BRCA2: variants seen among roughly 807,000 people sequenced by gnomAD.
BRCA2 encodes BRCA2 DNA repair associated.
In BRCA2, 203 loss-of-function variants were observed where a neutral mutation model predicts 276.7. The observed-to-expected ratio is 0.73, with a 90% CI of 0.65 to 0.82. BRCA2 has a LOEUF of 0.82. BRCA2 is among the 40% of genes least tolerant of loss of function. The probability of loss-of-function intolerance (pLI) is 0.00; values close to 1 mark genes in which losing one functional copy is unlikely to be tolerated. For missense variants in BRCA2, 3,920 were observed against 3,915.0 expected, an observed-to-expected ratio of 1.00 and a Z score of -0.03; for synonymous variants, 1,289 against 1,338.4, an observed-to-expected ratio of 0.96 and a Z score of 0.81.
rs1273462315 is a variant in BRCA2, at chr13:32,316,444, G to A, written c.-17G>A. 1 of 1,609,192 alleles carries A rather than the reference G, an allele frequency of 6.2e-7. No homozygotes were observed. The highest frequency in any genetic ancestry group is 8.5e-7 in the Non-Finnish European group (1 of 1,175,686). On this transcript the variant is annotated 5_prime_UTR_variant, in exon 2 of 27. Coordinates refer to ENST00000380152, the MANE Select transcript of BRCA2 (RefSeq NM_000059.4). Reference sequence around the variant, plus strand: ...CAGACTTATTTACCAAGCATTGGAGGAATATCGTAGGTAAAAATGCCTATT... The same window carrying A: ...CAGACTTATTTACCAAGCATTGGAGAAATATCGTAGGTAAAAATGCCTATT...
intron 11 of BRCA2, among the ~76,000 whole-genome samples, chr13:32,341,757 A>G (rs1164581972): frequency 6.6e-6 from 1 of 151,282 alleles, no homozygotes; most frequent in Non-Finnish European, 1.5e-5. Flanking sequence ...AGTCCCAGCT[A>G]CTTGGGAGGC....
At chr13:32,359,793 TAAGTGGAA>T (rs1368582649) in intron 16 of BRCA2, among the ~76,000 whole-genome samples, 3 of 152,228 alleles carry the variant, frequency 2.0e-5, no homozygotes, top group African/African-American at 7.2e-5. Context: ...CCCTGTAGTC[TAAGTGGAA>T]ATGTGGAGGC....
rs80359260 is a variant in BRCA2 at position 32,332,502 on chromosome 13, GA to G, written c.1029del (p.Lys343AsnfsTer6). 2 of 1,610,966 alleles carry G rather than the reference GA, an allele frequency of 1.2e-6. No individual in the cohort carries two copies. The highest frequency in any genetic ancestry group is 1.7e-6 in the Non-Finnish European group (2 of 1,179,312). On this transcript the variant is annotated frameshift_variant, in exon 10 of 27. Transcript: ENST00000380152. LOFTEE classifies it high-confidence loss of function. ...CCATGAAGCAAACGCTGATGAATGTGAAAAATCTAAAAACCAAGTGAAAGAA... is the reference window on the plus strand; with the variant it reads ...CCATGAAGCAAACGCTGATGAATGTGAAAATCTAAAAACCAAGTGAAAGAA... Reference protein sequence around the residue: ...IFHEANADECEKSKNQVKEKY... With the variant: ...IFHEANADECXKSKNQVKEKY...
At position 32,363,280 on chromosome 13, in the gene BRCA2, T is replaced by C. The variant is rs398122595; in HGVS notation, c.8078T>C (p.Ile2693Thr). 1.2e-6 allele frequency: 2 copies of C among 1,614,068 alleles called. No homozygotes were observed. Among genetic ancestry groups the C allele is most frequent in the East Asian group, 2.2e-5 (1 of 44,884 alleles). Reference protein sequence around the residue: ...AKTLVLCVSDIISLSANISET... With the variant: ...AKTLVLCVSDTISLSANISET... ...ACACTTGTTCTCTGTGTTTCTGACA[T>C]AATTTCATTGAGCGCAAATATATCT... is the stretch of plus-strand genomic sequence containing the variant. The change falls in exon 18 of 27, where the codon ATA (isoleucine) becomes ACA (threonine). Residue 2693 changes from isoleucine (I) to threonine (T), a missense_variant. Ile to Thr is a moderately conservative substitution (Grantham distance 89). Around this residue, in one of 2 missense-constraint regions of BRCA2, gnomAD observed 3,263 missense variants for 3,156.9 expected, o/e 1.03. Coordinates refer to ENST00000380152, the MANE Select transcript of BRCA2 (RefSeq NM_000059.4).
At position 32,337,477 on chromosome 13, in the gene BRCA2, G is replaced by C. The variant is rs276174832; in HGVS notation, c.3122G>C (p.Ser1041Thr). ...FKDIEEQYPT[S>T]LACVEIVNTL... is the part of the protein sequence containing the mutation. ...GATATTGAAGAACAATATCCTACTAGTTTAGCTTGTGTTGAAATTGTAAAT... is the reference window on the plus strand; with the variant it reads ...GATATTGAAGAACAATATCCTACTACTTTAGCTTGTGTTGAAATTGTAAAT... The change falls in exon 11 of 27, where the codon AGT (serine) becomes ACT (threonine). Residue 1041 changes from serine (S) to threonine (T), a missense_variant. This residue lies in a region of BRCA2 where 3,263 missense variants were observed against 3,156.9 expected (regional missense o/e 1.03). Coordinates refer to ENST00000380152, the MANE Select transcript of BRCA2 (RefSeq NM_000059.4). The C allele has an allele frequency of 1.2e-6, 2 of 1,610,368 alleles. No individual in the cohort carries two copies. The highest frequency in any genetic ancestry group is 1.7e-6 in the Non-Finnish European group (2 of 1,178,272).
In BRCA2 at chr13:32,362,149, A is replaced by C. The variant is rs538121724; in HGVS notation, c.7806-374A>C. Among the ~76,000 whole-genome samples, 12 of 151,992 alleles carry C rather than the reference A, an allele frequency of 7.9e-5. No individual in the cohort carries two copies. The South Asian group carries it at 1.7e-3, about 21-fold the overall frequency. ...GCAATCCTCCCACCACAGCCTCCTA[A>C]GTAGCTGGGACCACAGATGTGAGCT... On this transcript the variant is annotated intron_variant, in intron 16 of 26. Transcript: ENST00000380152.
At position 32,397,175 on chromosome 13, in the gene BRCA2, C is replaced by T. The variant is rs1190079833; in HGVS notation, c.9648+131C>T. On this transcript the variant is annotated intron_variant, in intron 26 of 26. Transcript: ENST00000380152. ...TAGAAAATGTGGTTGTTATGTGGCT[C>T]CTGTAAGTATAGTTATTTAGAAATT... 2 of 1,034,356 alleles carry T rather than the reference C, an allele frequency of 1.9e-6. 1 individual carries two copies. The highest frequency in any genetic ancestry group is 2.9e-6 in the Non-Finnish European group (2 of 697,384). 64.1% of individuals were successfully genotyped at this position (1,034,356 alleles called of 1,614,324 possible). A position where few individuals can be genotyped will look rare whatever the true frequency, so the allele number is the denominator to read the frequency against.
At chr13:32,390,822 C>T (rs2072991955) in intron 24 of BRCA2, among the ~76,000 whole-genome samples, 1 of 152,174 alleles carries the variant, frequency 6.6e-6, no homozygotes, top group Non-Finnish European at 1.5e-5. Context: ...CCACTTCTGA[C>T]ATAATGGGTT....
At chr13:32,396,023 G>A (rs2137657037) in intron 25 of BRCA2, 1 of 211,370 alleles carries the variant, frequency 4.7e-6, no homozygotes, top group South Asian at 5.4e-5. Context: ...CCCCAGGCTG[G>A]AGTACAATAG....
At position 32,338,117 on chromosome 13, in the gene BRCA2, G is replaced by T. The variant is rs777028631; in HGVS notation, c.3762G>T (p.Glu1254Asp). Residue 1254 changes from glutamate to aspartate, a missense_variant, in exon 11 of 27, where the codon GAG (glutamate) becomes GAT (aspartate). Physicochemically the swap from Glu to Asp is conservative, Grantham distance 45 (BLOSUM62 2). This residue lies in a region of BRCA2 where 3,263 missense variants were observed against 3,156.9 expected (regional missense o/e 1.03). Coordinates refer to ENST00000380152, the MANE Select transcript of BRCA2 (RefSeq NM_000059.4). ...IENISEETSA[E>D]VHPISLSSSK... ...ATATTAGTGAGGAAACTTCTGCAGA[G>T]GTACATCCAATAAGTTTATCTTCAA... The T allele has an allele frequency of 3.7e-6, 6 of 1,608,608 alleles. No individual in the cohort carries two copies. The highest frequency in any genetic ancestry group is 3.4e-6 in the Non-Finnish European group (4 of 1,177,768).
Position 32,332,710 on chromosome 13 carries a change from T to C in BRCA2, c.1232T>C (p.Ile411Thr), listed in dbSNP as rs79597821. 13 of 1,613,656 alleles carry C rather than the reference T, an allele frequency of 8.1e-6. No individual in the cohort carries two copies. In the East Asian group the frequency reaches 2.7e-4, roughly 33 times the overall value. Residue 411 changes from isoleucine to threonine, a missense_variant, in exon 10 of 27, where the codon ATA becomes ACA. This residue lies in a region of BRCA2 where 3,263 missense variants were observed against 3,156.9 expected (regional missense o/e 1.03). Coordinates refer to ENST00000380152, the MANE Select transcript of BRCA2 (RefSeq NM_000059.4). The part of the protein sequence containing the change: ...SGLNGAQMEK[I>T]PLLHISSCDQ... Reference sequence around the variant, plus strand: ...CTAAATGGAGCCCAGATGGAGAAAATACCCCTATTGCATATTTCTTCATGT... The same window carrying C: ...CTAAATGGAGCCCAGATGGAGAAAACACCCCTATTGCATATTTCTTCATGT...
In BRCA2 at chr13:32,338,403, C is replaced by A. The variant is rs2137502442; in HGVS notation, c.4048C>A (p.His1350Asn). The change falls in exon 11 of 27, where the codon CAT becomes AAT. Residue 1350 changes from histidine to asparagine, a missense_variant. This residue lies in a region of BRCA2 where 3,263 missense variants were observed against 3,156.9 expected (regional missense o/e 1.03). Transcript: ENST00000380152. ...DSSKNDTVCI[H>N]KDETDLLFTD... ...AAGTAAAAATGATACTGTTTGTATT[C>A]ATAAAGATGAAACGGACTTGCTATT... 1 of 1,601,936 alleles carries A rather than the reference C, an allele frequency of 6.2e-7. No individual in the cohort carries two copies. The highest frequency in any genetic ancestry group is 1.1e-5 in the South Asian group (1 of 87,470).
Position 32,357,813 on chromosome 13 carries a change from C to T in BRCA2, c.7689C>T (p.His2563=), listed in dbSNP as rs878853606. 4.3e-6 allele frequency: 7 copies of T among 1,613,240 alleles called. No homozygotes were observed. The highest frequency in any genetic ancestry group is 5.9e-6 in the Non-Finnish European group (7 of 1,179,264). Residue 2563 remains histidine (H), a synonymous_variant, in exon 16 of 27, where the codon CAC becomes CAT. Transcript: ENST00000380152. ...AAAATGCAGAGTCTTTTCAGTTTCA[C>T]ACTGAAGATTATTTTGGTAAGGAAA... ...NSKNAESFQF[H]TEDYFGKESL...
intron 26 of BRCA2, among the ~76,000 whole-genome samples, chr13:32,397,712 A>G (rs2073045983): frequency 6.6e-6 from 1 of 152,122 alleles, no homozygotes; most frequent in Admixed American, 6.5e-5. Context: ...TGACTCTATT[A>G]TCCTGATTTT....
rs754184748 is a variant in BRCA2 at position 32,362,701 on chromosome 13, TA to T, written c.7976+11del. The T allele has an allele frequency of 6.2e-7, 1 of 1,613,980 alleles. No individual in the cohort carries two copies. The highest frequency in any genetic ancestry group is 1.1e-5 in the South Asian group (1 of 91,080). On this transcript the variant is annotated intron_variant, in intron 17 of 26. Coordinates refer to ENST00000380152, the MANE Select transcript of BRCA2 (RefSeq NM_000059.4). ...TCTTCAACTAAAATACAGGCAAGTTTAAAGCATTACATTACGTAATCATATA... is the reference window on the plus strand; with the variant it reads ...TCTTCAACTAAAATACAGGCAAGTTTAAGCATTACATTACGTAATCATATA...
At chr13:32,343,859 A>T (rs957502305) in intron 11 of BRCA2, among the ~76,000 whole-genome samples, 2 of 152,166 alleles carry the variant, frequency 1.3e-5, no homozygotes, top group South Asian at 2.1e-4. Context: ...AACCACTTTT[A>T]TAATAATCTA....
chr13:32,315,504 C>G (rs1232685472), upstream of BRCA2: 2 of 152,302 alleles, frequency 1.3e-5, no homozygotes, highest in Non-Finnish European at 2.9e-5. Context: ...TGAAACTAGG[C>G]GGCAGAGGCG....
chr13:32,319,435 T>C (rs1054075723), intron 3 of BRCA2, 110 bp downstream of exon 3: 3 of 1,117,874 alleles, frequency 2.7e-6, no homozygotes, highest in Non-Finnish European at 3.9e-6. Context: ...GGCAAATCAG[T>C]CTCTCTGGCC....
chr13:32,322,673 A>C (rs1360377085), intron 3 of BRCA2, among the ~76,000 whole-genome samples: 1 of 152,252 alleles, frequency 6.6e-6, no homozygotes, highest in Non-Finnish European at 1.5e-5. Flanking sequence ...AACATGTCAC[A>C]GTGCTGCAGA....
Sources: allele counts gnomAD v4.1 joint callset (sites outside exome capture counted in the v4.1 genomes callset), GRCh38; gene constraint gnomAD v4.1.1; regional missense constraint gnomAD v4.1.1; transcripts MANE v1.5; gene names NCBI Gene and HGNC (gene_info 2026-07-23, HGNC 2026-07-21).